The following MIPEP variants were observed in gnomAD, a reference collection of about 807,000 sequenced individuals.
MIPEP encodes the protein mitochondrial intermediate peptidase.
In MIPEP, 79 loss-of-function variants were observed where a neutral mutation model predicts 90.3. That is an observed-to-expected ratio of 0.87 (90% CI 0.73 to 1.05). The LOEUF (loss-of-function observed/expected upper bound fraction) is 1.05, where lower values mean the gene tolerates loss of function less well. Ranked by LOEUF, MIPEP falls within the 50% of genes least tolerant of loss-of-function variation. MIPEP has a pLI of 0.00. For missense variants in MIPEP, 940 were observed against 905.6 expected (o/e 1.04, Z -0.49); for synonymous variants, 334 against 315.8 (o/e 1.06, Z -0.61).
intron 17 of MIPEP, among the ~76,000 whole-genome samples, chr13:23,758,676 T>A (rs1593136889): frequency 6.6e-6 from 1 of 152,170 alleles, no homozygotes; most frequent in African/African-American, 2.4e-5. Flanking sequence ...GAAGACAAAA[T>A]ACATGTGAGT....
chr13:23,846,842 ATG>A (rs2137473414), intron 10 of MIPEP, among the ~76,000 whole-genome samples: 1 of 152,250 alleles, frequency 6.6e-6, no homozygotes, highest in East Asian at 1.9e-4. Flanking sequence ...GATGATGATG[ATG>A]ATGATGATGG....
rs746141362 is a variant in MIPEP, at chr13:23,869,330, G to T, written c.905C>A (p.Ser302Tyr). The T allele has an allele frequency of 3.7e-6, 6 of 1,611,868 alleles. No individual in the cohort carries two copies. The highest frequency in any genetic ancestry group is 2.7e-5 in the African/African-American group (2 of 74,856). The change falls in exon 7 of 19, where the codon TCT (serine) becomes TAT (tyrosine). Residue 302 changes from serine to tyrosine, a missense_variant. Physicochemically the swap from Ser to Tyr is moderately radical, Grantham distance 144. Coordinates refer to ENST00000382172, the MANE Select transcript of MIPEP (RefSeq NM_005932.4). ...TATCGTTCCTTGGAGAGCCCTGTGA[G>T]AAAACGTGGAATACCCCACCAACTT... ...LAKLVGYSTF[S>Y]HRALQGTIAK...
chr13:23,733,107 A>T (rs1013007285), intron 18 of MIPEP, among the ~76,000 whole-genome samples: 1 of 152,196 alleles, frequency 6.6e-6, no homozygotes, highest in Non-Finnish European at 1.5e-5. Flanking sequence ...TGTTCATTCA[A>T]TTTTTCTGAA....
intron 14 of MIPEP, among the ~76,000 whole-genome samples, chr13:23,826,294 C>T (rs1392622224): frequency 6.6e-6 from 1 of 151,944 alleles, no homozygotes; most frequent in Non-Finnish European, 1.5e-5. Flanking sequence ...TTAGTTATAT[C>T]AAAGATCTAA....
intron 13 of MIPEP, among the ~76,000 whole-genome samples, chr13:23,837,142 T>A (rs1869089624): frequency 6.6e-6 from 1 of 152,204 alleles, no homozygotes. Context: ...AAGGACTTCA[T>A]CATACTTTTT....
rs1283461148 is a variant in MIPEP at position 23,837,775 on chromosome 13, A to G, written c.1339-19T>C. The G allele has an allele frequency of 6.3e-7, 1 of 1,575,690 alleles. No individual in the cohort carries two copies. On this transcript the variant is annotated intron_variant, in intron 12 of 18. Coordinates refer to ENST00000382172, the MANE Select transcript of MIPEP (RefSeq NM_005932.4). ...GGCAATCCTTTAAGAATCAGAAAAC[A>G]TAAAAGGAAAAGAAAGTATTTGGTA... is the stretch of plus-strand genomic sequence containing the variant.
At chr13:23,869,182 G>A (rs368483918) in intron 7 of MIPEP, 110 bp downstream of exon 7, 2 of 937,060 alleles carry the variant, frequency 2.1e-6, no homozygotes, top group Admixed American at 2.8e-5. Context: ...TCAATAAATG[G>A]TTCTCTACAT....
At chr13:23,826,629 G>A (rs1015308099) in intron 14 of MIPEP, among the ~76,000 whole-genome samples, 6 of 152,062 alleles carry the variant, frequency 3.9e-5, no homozygotes, top group Admixed American at 1.3e-4. Flanking sequence ...ACAGAATTCA[G>A]CTAAAACATT....
chr13:23,747,076 G>A (rs1326511830), intron 18 of MIPEP, among the ~76,000 whole-genome samples: 1 of 152,190 alleles, frequency 6.6e-6, no homozygotes, highest in Non-Finnish European at 1.5e-5. Flanking sequence ...CAGGGGCTCT[G>A]GAGGCAAAAG....
At chr13:23,839,628 A>T (rs1869207425) in intron 12 of MIPEP, 21 bp downstream of exon 12, 1 of 1,572,306 alleles carries the variant, frequency 6.4e-7, no homozygotes, top group Non-Finnish European at 8.7e-7. Flanking sequence ...TAGAGAGACC[A>T]GTTTATAAAG....
At chr13:23,847,742 C>T (rs553631105) in intron 10 of MIPEP, among the ~76,000 whole-genome samples, 1 of 152,302 alleles carries the variant, frequency 6.6e-6, no homozygotes, top group African/African-American at 2.4e-5. Context: ...TAAGAGATAT[C>T]TTAGCAGGTC....
At chr13:23,865,697 T>C (rs1870501372) in intron 7 of MIPEP, among the ~76,000 whole-genome samples, 1 of 145,562 alleles carries the variant, frequency 6.9e-6, no homozygotes, top group South Asian at 2.2e-4. Context: ...TGAGATGGAG[T>C]CTTGCTCTGT....
intron 16 of MIPEP, among the ~76,000 whole-genome samples, chr13:23,785,188 A>T (rs1293323591): frequency 6.6e-6 from 1 of 152,214 alleles, no homozygotes; most frequent in Admixed American, 6.5e-5. Flanking sequence ...GCACTTGCAC[A>T]TGTATGTTTA....
chr13:23,885,180 A>G (rs1871423574), intron 2 of MIPEP, among the ~76,000 whole-genome samples: 2 of 152,262 alleles, frequency 1.3e-5, no homozygotes, highest in African/African-American at 2.4e-5. Context: ...GTTTAGTGAA[A>G]TAAGTCAGGC....
intron 18 of MIPEP, among the ~76,000 whole-genome samples, chr13:23,753,479 A>C (rs34354770): frequency 0.31 from 46,699 of 152,066 alleles, 7,512 homozygotes; most frequent in South Asian, 0.48. Context: ...CTTTTTAAGA[A>C]AGCCCCTGCT....
chr13:23,771,530 TAC>T (rs3077653), intron 16 of MIPEP, among the ~76,000 whole-genome samples: 4,883 of 145,980 alleles, frequency 0.033, 85 homozygotes, highest in African/African-American at 0.054. Flanking sequence ...ATTTGCTGAC[TAC>T]ACACACACAC....
intron 16 of MIPEP, among the ~76,000 whole-genome samples, chr13:23,786,540 T>C (rs540061588): frequency 7.9e-5 from 12 of 152,104 alleles, no homozygotes; most frequent in African/African-American, 2.4e-4. Context: ...TCAAGAAGGA[T>C]AAATGATTAA....
chr13:23,778,353 C>T (rs559318496), intron 16 of MIPEP, among the ~76,000 whole-genome samples: 1 of 152,216 alleles, frequency 6.6e-6, no homozygotes, highest in South Asian at 2.1e-4. Flanking sequence ...CATTACAAAT[C>T]ATGATGTGTG....
chr13:23,843,184 C>T (rs1869380861), intron 10 of MIPEP, among the ~76,000 whole-genome samples: 1 of 149,882 alleles, frequency 6.7e-6, no homozygotes, highest in Admixed American at 6.6e-5. Context: ...AATAGGAATT[C>T]TAGGCAGAAG....
Sources: gnomAD v4.1 joint callset for allele counts (sites outside exome capture counted in the v4.1 genomes callset) on GRCh38, gnomAD v4.1.1 for gene constraint, MANE v1.5 for transcripts, NCBI Gene and HGNC (gene_info 2026-07-23, HGNC 2026-07-21) for gene names.